Variants in GNL2 observed in about 807,000 individuals in gnomAD.
The protein encoded by GNL2 is G protein nucleolar 2, also known as nucleolar GTP-binding protein 2.
In GNL2, 51 loss-of-function variants were observed where a neutral mutation model predicts 92.3. That is an observed-to-expected ratio of 0.55 (90% CI 0.44 to 0.70). GNL2 has a LOEUF of 0.70. Ranked by LOEUF, GNL2 falls within the 30% of genes least tolerant of loss-of-function variation. The pLI, the probability that GNL2 is intolerant of heterozygous loss-of-function variation, is 0.00. For missense variants in GNL2, 844 were observed against 895.6 expected, an observed-to-expected ratio of 0.94 and a Z score of 0.74; for synonymous variants, 283 against 300.6, an observed-to-expected ratio of 0.94 and a Z score of 0.61.
In GNL2 at chr1:37,574,817, C is replaced by T. The variant is rs765156238; in HGVS notation, c.1150G>A (p.Val384Ile). Residue 384 changes from valine to isoleucine, a missense_variant, in exon 11 of 16, where the codon GTA becomes ATA. By Grantham distance (29) the Val-to-Ile change is conservative. Coordinates refer to ENST00000373062, the MANE Select transcript of GNL2 (RefSeq NM_013285.3). The part of the protein sequence containing the change: ...TDIVLKGVVQ[V>I]EKIKSPEDHI... Reference sequence around the variant, plus strand: ...TCTTCAGGACTCTTAATTTTTTCTACTTGAACCTAAATGTTAATAGGAAAT... The same window carrying T: ...TCTTCAGGACTCTTAATTTTTTCTATTTGAACCTAAATGTTAATAGGAAAT... The T allele has an allele frequency of 1.2e-5, 20 of 1,608,628 alleles. No homozygotes were observed. Among genetic ancestry groups the T allele is most frequent in the Non-Finnish European group, 1.4e-5 (16 of 1,176,810 alleles).
At chr1:37,567,493 A>C (rs1643524276) in intron 15 of GNL2, among the ~76,000 whole-genome samples, 180 bp downstream of exon 15, 1 of 151,738 alleles carries the variant, frequency 6.6e-6, no homozygotes, top group African/African-American at 2.4e-5. Context: ...AAAACGTATG[A>C]CATGGACTCA....
intron 3 of GNL2, among the ~76,000 whole-genome samples, chr1:37,591,941 T>C (rs1643890282): frequency 1.3e-5 from 2 of 152,184 alleles, no homozygotes; most frequent in East Asian, 3.8e-4. Flanking sequence ...AGAACTAGAA[T>C]TCAAACCCAG....
chr1:37,592,805 T>C lies in GNL2; in HGVS notation c.151A>G (p.Asn51Asp), dbSNP rs1368059186. ...GGTTTAATTATTTTACCACGACTGT[T>C]CCTAAATTGAGGAAAGAACAGATAT... ...LNMYRQKERR[N>D]SRGKIIKPLQ... Residue 51 changes from asparagine to aspartate, a missense_variant and splice_region_variant, in exon 3 of 16, where the codon AAC becomes GAC. Physicochemically the swap from Asn to Asp is conservative, Grantham distance 23. Coordinates refer to ENST00000373062, the MANE Select transcript of GNL2 (RefSeq NM_013285.3). 6.4e-6 allele frequency: 10 copies of C among 1,571,882 alleles called. No individual in the cohort carries two copies. Among genetic ancestry groups the C allele is most frequent in the Non-Finnish European group, 8.8e-6 (10 of 1,141,876 alleles).
At position 37,592,769 on chromosome 1, in the gene GNL2, G is replaced by T; in HGVS notation, c.187C>A (p.Gln63Lys). 6.2e-7 allele frequency: 1 copy of T among 1,608,336 alleles called. No homozygotes were observed. Among genetic ancestry groups the T allele is most frequent in the Non-Finnish European group, 8.5e-7 (1 of 1,174,696 alleles). The part of the protein sequence containing the change: ...RGKIIKPLQY[Q>K]STVASGTVAR... ...ACTGTGCCAGAAGCCACCGTTGATT[G>T]ATATTGCAGGGGTTTAATTATTTTA... Residue 63 changes from glutamine (Q) to lysine (K), a missense_variant, in exon 3 of 16, where the codon CAA (glutamine) becomes AAA (lysine). Gln to Lys is a moderately conservative substitution (Grantham distance 53, BLOSUM62 1). Coordinates refer to ENST00000373062, the MANE Select transcript of GNL2 (RefSeq NM_013285.3).
intron 8 of GNL2, 142 bp downstream of exon 8, chr1:37,582,081 G>C (rs1262789002): frequency 1.8e-6 from 1 of 559,824 alleles, no homozygotes. Context: ...CTGCCTCAGC[G>C]TCCTGAGTAG....
In GNL2 at chr1:37,575,793, G is replaced by A. The variant is rs1365948118; in HGVS notation, c.1039-94C>T. The A allele has an allele frequency of 1.1e-5, 8 of 761,486 alleles. No individual in the cohort carries two copies. In the East Asian group the frequency reaches 2.0e-4, roughly 19 times the overall value. 47.2% of individuals were successfully genotyped at this position (761,486 alleles called of 1,614,324 possible). ...TGCTCATGTATGAAGCTGGAAAGGA[G>A]GAAGGGGTGAGTCAAAGAAAAGCAA... On this transcript the variant is annotated intron_variant, in intron 9 of 15. Coordinates refer to ENST00000373062, the MANE Select transcript of GNL2 (RefSeq NM_013285.3). The surrounding 1 kb of genome is among the most constrained non-coding windows in gnomAD (Gnocchi z 4.1).
chr1:37,595,838 G>T lies in GNL2; in HGVS notation c.-16C>A. 1.2e-6 allele frequency: 2 copies of T among 1,613,068 alleles called. No homozygotes were observed. The highest frequency in any genetic ancestry group is 2.2e-5 in the South Asian group (2 of 91,074). ...GCTTCACCATCTTGGCGACGAGACC[G>T]GGACCGGAGTGCGAGGTCCGGCTTA... On this transcript the variant is annotated 5_prime_UTR_variant, in exon 1 of 16. Transcript: ENST00000373062.
chr1:37,581,740 C>T (rs1053716144), intron 8 of GNL2, among the ~76,000 whole-genome samples: 2 of 152,212 alleles, frequency 1.3e-5, no homozygotes, highest in Admixed American at 1.3e-4. Flanking sequence ...TCTCGGCTCA[C>T]GGCAAACTCC....
intron 12 of GNL2, among the ~76,000 whole-genome samples, chr1:37,571,637 C>T (rs1643595490): frequency 6.6e-6 from 1 of 152,164 alleles, no homozygotes; most frequent in South Asian, 2.1e-4. Context: ...AGGATTCCTC[C>T]CATCTCCTCC....
chr1:37,569,238 A>G lies in GNL2; in HGVS notation c.1481T>C (p.Val494Ala), dbSNP rs1371193657. Reference sequence around the variant, plus strand: ...TGACCCTTCACCTGCAGTTTCTGTGACTTCCTCCCCTGGATTGTTCTGGGC... The same window carrying G: ...TGACCCTTCACCTGCAGTTTCTGTGGCTTCCTCCCCTGGATTGTTCTGGGC... ...EAAQNNPGEEVTETAGEGSES... is the reference protein window; with the variant it reads ...EAAQNNPGEEATETAGEGSES... Residue 494 changes from valine (V) to alanine (A), a missense_variant, in exon 13 of 16, where the codon GTC becomes GCC. Transcript: ENST00000373062. The G allele has an allele frequency of 6.2e-7, 1 of 1,613,762 alleles. No individual in the cohort carries two copies.
chr1:37,567,910 G>T, intron 14 of GNL2, 146 bp from the exon 15 acceptor site: 1 of 640,388 alleles, frequency 1.6e-6, no homozygotes, highest in East Asian at 2.7e-5. Flanking sequence ...GCAGGCCAAG[G>T]GGAGGCTGCC....
In GNL2 at chr1:37,574,761, C is replaced by T. The variant is rs749740518; in HGVS notation, c.1206G>A (p.Lys402=). ...DHIGAVLERA[K]PEYISKTYKI... ...TGTATGTTTTGCTGATATATTCTGGCTTTGCTCGTTCAAGTACAGCACCAA... is the reference window on the plus strand; with the variant it reads ...TGTATGTTTTGCTGATATATTCTGGTTTTGCTCGTTCAAGTACAGCACCAA... The change falls in exon 11 of 16, where the codon AAG becomes AAA. Residue 402 remains lysine (K), a synonymous_variant. Coordinates refer to ENST00000373062, the MANE Select transcript of GNL2 (RefSeq NM_013285.3). The T allele has an allele frequency of 6.2e-7, 1 of 1,613,666 alleles. No individual in the cohort carries two copies. The highest frequency in any genetic ancestry group is 8.5e-7 in the Non-Finnish European group (1 of 1,179,658).
At chr1:37,570,279 C>T (rs1398984273) in intron 12 of GNL2, 1 of 152,160 alleles carries the variant, frequency 6.6e-6, no homozygotes, top group East Asian at 1.9e-4. Context: ...CGTCTGTAAT[C>T]CCAGCACTTT....
At chr1:37,589,838 C>G (rs1004498063) in intron 4 of GNL2, among the ~76,000 whole-genome samples, 2 of 152,190 alleles carry the variant, frequency 1.3e-5, no homozygotes, top group Admixed American at 1.3e-4. Flanking sequence ...ACCAGCACCC[C>G]TTCCTTCAGC....
At chr1:37,592,586 C>T in intron 3 of GNL2, 126 bp downstream of exon 3, 1 of 621,970 alleles carries the variant, frequency 1.6e-6, no homozygotes, top group South Asian at 2.0e-5. Context: ...TCTTCTTATC[C>T]CTTTCTCAGA....
chr1:37,589,383 C>A (rs924791929), intron 4 of GNL2, among the ~76,000 whole-genome samples: 3 of 152,260 alleles, frequency 2.0e-5, no homozygotes, highest in Admixed American at 6.5e-5. Flanking sequence ...CGGCTCACTG[C>A]AAGCTCTGCC....
At chr1:37,591,366 C>T (rs1200771675) in intron 3 of GNL2, among the ~76,000 whole-genome samples, 1 of 152,146 alleles carries the variant, frequency 6.6e-6, no homozygotes, top group African/African-American at 2.4e-5. Context: ...GTGAGGGAGA[C>T]CCTGAAAAGC....
intron 12 of GNL2, among the ~76,000 whole-genome samples, chr1:37,572,419 A>G (rs893502561): frequency 3.3e-5 from 5 of 152,196 alleles, no homozygotes; most frequent in African/African-American, 1.2e-4. Flanking sequence ...CCAGAAAGAC[A>G]AAGCACTTGA....
intron 4 of GNL2, among the ~76,000 whole-genome samples, chr1:37,589,247 A>G (rs1643873217): frequency 6.6e-6 from 1 of 152,228 alleles, no homozygotes. Context: ...CTGAGGCAAT[A>G]ACCAGGCCTT....
Sources: gnomAD v4.1 joint callset for allele counts (sites outside exome capture counted in the v4.1 genomes callset) on GRCh38, gnomAD v4.1.1 for gene constraint, Gnocchi (gnomAD v3.1) non-coding constraint, MANE v1.5 for transcripts, NCBI Gene and HGNC (gene_info 2026-07-23, HGNC 2026-07-21) for gene names.